The following LVRN variants were observed in gnomAD, a reference collection of about 807,000 sequenced individuals.
LVRN encodes the protein aminopeptidase Q.
A neutral mutation model predicts 111.4 loss-of-function variants in LVRN; 99 were observed. The observed-to-expected ratio is 0.89, with a 90% CI of 0.76 to 1.05. LVRN has a LOEUF of 1.05. LVRN is among the 50% of genes least tolerant of loss of function. LVRN has a pLI of 0.00. For synonymous variants in LVRN, 488 were observed against 449.5 expected, an observed-to-expected ratio of 1.09 and a Z score of -1.08; for missense variants, 1,414 against 1,206.8, an observed-to-expected ratio of 1.17 and a Z score of -2.54.
Position 116,022,455 on chromosome 5 carries a change from C to A in LVRN, c.2821C>A (p.Gln941Lys). Residue 941 changes from glutamine to lysine, a missense_variant, in exon 19 of 20, where the codon CAG (glutamine) becomes AAG (lysine). By Grantham distance (53) the Gln-to-Lys change is moderately conservative. Coordinates refer to ENST00000357872, the MANE Select transcript of LVRN (RefSeq NM_173800.5). ...TIGRTVTTDLQIVELQQFFSN... is the reference protein window; with the variant it reads ...TIGRTVTTDLKIVELQQFFSN... ...AGGGAGAACCGTAACTACAGATTTA[C>A]AGATTGTGGAGGTAAGTACTTTAAA... 1 of 1,551,632 alleles carries A rather than the reference C, an allele frequency of 6.4e-7. No individual in the cohort carries two copies. The highest frequency in any genetic ancestry group is 8.8e-7 in the Non-Finnish European group (1 of 1,139,844).
intron 18 of LVRN, 95 bp from the exon 19 acceptor site, chr5:116,022,296 A>G: frequency 2.6e-6 from 2 of 778,272 alleles, no homozygotes; most frequent in Non-Finnish European, 4.4e-6. Flanking sequence ...AGGAATTAAT[A>G]GGGGCCATAC....
At chr5:115,973,983 A>G (rs1753382404) in intron 1 of LVRN, among the ~76,000 whole-genome samples, 1 of 152,214 alleles carries the variant, frequency 6.6e-6, no homozygotes, top group Admixed American at 6.5e-5. Context: ...TTTACAGAAT[A>G]TAATAAGCCC....
intron 12 of LVRN, among the ~76,000 whole-genome samples, chr5:116,004,331 C>T (rs1193624249): frequency 6.6e-6 from 1 of 152,172 alleles, no homozygotes; most frequent in Non-Finnish European, 1.5e-5. Flanking sequence ...ATGAGTGGAG[C>T]TGGACGCCAG....
intron 4 of LVRN, among the ~76,000 whole-genome samples, chr5:115,988,346 T>A (rs375547757): frequency 7.8e-5 from 11 of 141,294 alleles, no homozygotes; most frequent in South Asian, 2.3e-4. Flanking sequence ...TTTTTTTTTT[T>A]AAATATCCAT....
Position 116,026,102 on chromosome 5 carries a change from T to C in LVRN, c.2957T>C (p.Leu986Pro). Residue 986 changes from leucine (L) to proline (P), a missense_variant, in exon 20 of 20, where the codon CTA becomes CCA. By Grantham distance (98) the Leu-to-Pro change is moderately conservative. Transcript: ENST00000357872. Reference protein sequence around the residue: ...KKLSARIAAWLRRNT With the variant: ...KKLSARIAAWPRRNT ...CTAAGTGCCAGGATAGCTGCGTGGC[T>C]AAGGAGAAACACATAGCTTGTGGCT... The C allele has an allele frequency of 6.2e-7, 1 of 1,613,812 alleles. No individual in the cohort carries two copies. The highest frequency in any genetic ancestry group is 8.5e-7 in the Non-Finnish European group (1 of 1,179,808).
intron 12 of LVRN, among the ~76,000 whole-genome samples, chr5:116,004,852 T>G (rs1036422889): frequency 1.3e-5 from 2 of 152,204 alleles, no homozygotes; most frequent in Admixed American, 1.3e-4. Context: ...CCTGACACAA[T>G]TCAGGGATTC....
intron 1 of LVRN, among the ~76,000 whole-genome samples, chr5:115,982,959 A>G (rs1257557701): frequency 6.6e-6 from 1 of 152,168 alleles, no homozygotes; most frequent in African/African-American, 2.4e-5. Context: ...CTTTATAAAG[A>G]GCTGGTTCTC....
At chr5:115,980,886 A>G (rs1174666531) in intron 1 of LVRN, among the ~76,000 whole-genome samples, 1 of 152,174 alleles carries the variant, frequency 6.6e-6, no homozygotes, top group Non-Finnish European at 1.5e-5. Flanking sequence ...TCCCAACTTT[A>G]GATGACTCAT....
intron 4 of LVRN, among the ~76,000 whole-genome samples, chr5:115,989,400 C>G (rs914542766): frequency 6.6e-6 from 1 of 152,168 alleles, no homozygotes; most frequent in Non-Finnish European, 1.5e-5. Context: ...CTTCTATCCA[C>G]TGGTTAATTC....
At chr5:115,967,933 A>C (rs1366938477) in intron 1 of LVRN, among the ~76,000 whole-genome samples, 1 of 152,182 alleles carries the variant, frequency 6.6e-6, no homozygotes, top group Non-Finnish European at 1.5e-5. Flanking sequence ...TTGATCTTGT[A>C]TCCTGTTCTC....
intron 18 of LVRN, among the ~76,000 whole-genome samples, chr5:116,017,324 T>C (rs1348076484): frequency 6.6e-6 from 1 of 152,196 alleles, no homozygotes; most frequent in Non-Finnish European, 1.5e-5. Context: ...CAGTTTTATT[T>C]TGTGTGCTCT....
chr5:116,016,698 T>C (rs1220309576), intron 18 of LVRN, among the ~76,000 whole-genome samples: 1 of 152,218 alleles, frequency 6.6e-6, no homozygotes, highest in Non-Finnish European at 1.5e-5. Flanking sequence ...GAGTTTTCCA[T>C]ACAGTTTGAC....
chr5:115,994,641 A>C (rs1748066591), intron 6 of LVRN, among the ~76,000 whole-genome samples: 1 of 115,812 alleles, frequency 8.6e-6, no homozygotes, highest in South Asian at 3.2e-4. Context: ...GCTACTTCAT[A>C]TTTAATTAAT....
At chr5:116,007,359 T>C (rs529396142) in intron 13 of LVRN, among the ~76,000 whole-genome samples, 2 of 152,302 alleles carry the variant, frequency 1.3e-5, no homozygotes, top group African/African-American at 4.8e-5. Flanking sequence ...ATCCCCTGCC[T>C]CAGTTAGCTT....
intron 6 of LVRN, among the ~76,000 whole-genome samples, chr5:115,997,192 G>A (rs556853173): frequency 1.9e-4 from 29 of 151,984 alleles, no homozygotes; most frequent in South Asian, 1.5e-3. Flanking sequence ...ACCCATTTTC[G>A]GACGGCAACT....
At chr5:115,968,622 G>A (rs532766143) in intron 1 of LVRN, among the ~76,000 whole-genome samples, 1 of 152,096 alleles carries the variant, frequency 6.6e-6, no homozygotes, top group African/African-American at 2.4e-5. Flanking sequence ...AAGAGCCCTT[G>A]CTGTATAGTA....
At chr5:115,975,312 C>A in intron 1 of LVRN, 1 of 320,480 alleles carries the variant, frequency 3.1e-6, no homozygotes, top group East Asian at 9.0e-5. Context: ...TATTCATTTG[C>A]AGATCATCCA....
Position 115,992,214 on chromosome 5 carries a change from A to T in LVRN, c.1197A>T (p.Lys399Asn), listed in dbSNP as rs765254890. 4 of 1,614,002 alleles carry T rather than the reference A, an allele frequency of 2.5e-6. No homozygotes were observed. The Middle Eastern group carries it at 4.9e-4, about 200-fold the overall frequency. Reference protein sequence around the residue: ...FDESGLLLEPKDQLTEKKTLI... With the variant: ...FDESGLLLEPNDQLTEKKTLI... Reference sequence around the variant, plus strand: ...AATCAGGATTGTTGTTGGAACCAAAAGATCAACTGACAGAAAAAAAGACTC... The same window carrying T: ...AATCAGGATTGTTGTTGGAACCAAATGATCAACTGACAGAAAAAAAGACTC... The change falls in exon 5 of 20, where the codon AAA (lysine) becomes AAT (asparagine). Residue 399 changes from lysine (K) to asparagine (N), a missense_variant. Physicochemically the swap from Lys to Asn is moderately conservative, Grantham distance 94. Coordinates refer to ENST00000357872, the MANE Select transcript of LVRN (RefSeq NM_173800.5).
intron 1 of LVRN, among the ~76,000 whole-genome samples, chr5:115,969,844 T>G (rs1466914916): frequency 6.6e-6 from 1 of 151,876 alleles, no homozygotes; most frequent in Non-Finnish European, 1.5e-5. Context: ...TCTTTAACAT[T>G]TCTACATTCT....
Sources: allele counts gnomAD v4.1 joint callset (sites outside exome capture counted in the v4.1 genomes callset), GRCh38; gene constraint gnomAD v4.1.1; transcripts MANE v1.5; gene names NCBI Gene and HGNC (gene_info 2026-07-23, HGNC 2026-07-21).